ANKRD31: variants seen among roughly 807,000 people sequenced by gnomAD.
ANKRD31 encodes the protein ankyrin repeat domain-containing protein 31.
In ANKRD31, 147 loss-of-function variants were observed where a neutral mutation model predicts 186.0. That is an observed-to-expected ratio of 0.79 (90% confidence interval 0.69 to 0.91). The LOEUF (loss-of-function observed/expected upper bound fraction) is 0.91. ANKRD31 is among the 40% of genes least tolerant of loss of function. The pLI is 0.00. For synonymous variants in ANKRD31, 673 were observed against 736.4 expected, an observed-to-expected ratio of 0.91 and a Z score of 1.39; for missense variants, 1,986 against 2,148.8, an observed-to-expected ratio of 0.92 and a Z score of 1.50.
intron 17 of ANKRD31, among the ~76,000 whole-genome samples, chr5:75,135,639 C>G (rs555807499): frequency 2.6e-5 from 4 of 152,272 alleles, no homozygotes; most frequent in African/African-American, 9.6e-5. Flanking sequence ...CTACCAATGA[C>G]TTTCTTCACA....
intron 12 of ANKRD31, among the ~76,000 whole-genome samples, chr5:75,149,005 G>T (rs1751677785): frequency 6.6e-6 from 1 of 151,810 alleles, no homozygotes. Flanking sequence ...TAATTAATTA[G>T]ATTATCATCT....
intron 8 of ANKRD31, among the ~76,000 whole-genome samples, 200 bp downstream of exon 8, chr5:75,193,111 G>C (rs577659244): frequency 2.6e-5 from 4 of 152,206 alleles, no homozygotes; most frequent in Admixed American, 6.5e-5. Context: ...TAGAGAAAAA[G>C]ATGCAGGCTC....
rs1752015026 is a variant in ANKRD31, at chr5:75,154,228, G to A, written c.1825C>T (p.Pro609Ser). 6.6e-7 allele frequency: 1 copy of A among 1,526,696 alleles called. No homozygotes were observed. Among genetic ancestry groups the A allele is most frequent in the South Asian group, 1.2e-5 (1 of 81,890 alleles). The allele number at this position is 1,526,696 out of a possible 1,614,324, so 94.6% of individuals were successfully genotyped here. A position where few individuals can be genotyped will look rare whatever the true frequency, so the allele number is the denominator to read the frequency against. ...CMKRLLERYI[P>S]KHQKCLTSAQ... ...GATGTAAGGCATTTTTGATGTTTAG[G>A]GATATATCTCTCAAGGAGACGCTTC... Residue 609 changes from proline to serine, a missense_variant, in exon 12 of 26, where the codon CCT (proline) becomes TCT (serine). By Grantham distance (74) the Pro-to-Ser change is moderately conservative (BLOSUM62 -1). Coordinates refer to ENST00000506364, the MANE Select transcript of ANKRD31 (RefSeq NM_001372053.1).
intron 10 of ANKRD31, among the ~76,000 whole-genome samples, chr5:75,174,733 A>G (rs371547287): frequency 6.6e-6 from 1 of 152,200 alleles, no homozygotes; most frequent in Non-Finnish European, 1.5e-5. Context: ...GAAACAACAG[A>G]TGCTGGAGAG....
At chr5:75,133,151 C>T (rs1168008248) in intron 17 of ANKRD31, among the ~76,000 whole-genome samples, 4 of 152,182 alleles carry the variant, frequency 2.6e-5, no homozygotes, top group Non-Finnish European at 5.9e-5. Context: ...GGATCAAATT[C>T]ACACATAACT....
intron 25 of ANKRD31, among the ~76,000 whole-genome samples, chr5:75,072,017 T>C (rs976886427): frequency 5.3e-5 from 8 of 152,218 alleles, no homozygotes; most frequent in African/African-American, 1.9e-4. Flanking sequence ...CATTATCCTG[T>C]TGTGAATCCA....
chr5:75,193,199 T>A, intron 8 of ANKRD31, 112 bp downstream of exon 8: 1 of 1,224,426 alleles, frequency 8.2e-7, no homozygotes, highest in Admixed American at 2.9e-5. Context: ...ATATAAAAAA[T>A]AAAGCTCTTT....
intron 2 of ANKRD31, among the ~76,000 whole-genome samples, chr5:75,224,777 G>A (rs1757537419): frequency 6.6e-6 from 1 of 151,986 alleles, no homozygotes; most frequent in Non-Finnish European, 1.5e-5. Flanking sequence ...TAAAAGAGAA[G>A]ACCAACAGCT....
rs796933133 is a variant in ANKRD31, at chr5:75,085,450, C to A, written c.5473-1076G>T. Among the ~76,000 whole-genome samples, 228 of 152,160 alleles carry A rather than the reference C, an allele frequency of 1.5e-3. 1 individual carries two copies. The highest frequency in any genetic ancestry group is 5.4e-3 in the African/African-American group (223 of 41,514). ...ACACTGGCATGATCTTGGCTCACTG[C>A]AACCTCCACCTCCTGAGTTCAAGCA... On this transcript the variant is annotated intron_variant, in intron 23 of 25. Transcript: ENST00000506364.
intron 10 of ANKRD31, among the ~76,000 whole-genome samples, chr5:75,187,673 G>A (rs1237182155): frequency 6.6e-6 from 1 of 152,096 alleles, no homozygotes; most frequent in Non-Finnish European, 1.5e-5. Context: ...TATAACCTGG[G>A]TATGACATTT....
At chr5:75,102,518 C>G (rs1373159139) in intron 22 of ANKRD31, among the ~76,000 whole-genome samples, 1 of 152,234 alleles carries the variant, frequency 6.6e-6, no homozygotes, top group Non-Finnish European at 1.5e-5. Flanking sequence ...CAGCTATGCC[C>G]TGCCCCCAGA....
chr5:75,212,436 A>T (rs554901834), intron 3 of ANKRD31, among the ~76,000 whole-genome samples: 12 of 152,184 alleles, frequency 7.9e-5, no homozygotes, highest in Admixed American at 6.5e-4. Flanking sequence ...AACATGGCAA[A>T]ACCCAGTTTC....
At chr5:75,206,968 G>C in intron 4 of ANKRD31, among the ~76,000 whole-genome samples, 1 of 152,156 alleles carries the variant, frequency 6.6e-6, no homozygotes. Context: ...GAATACCGAA[G>C]GGAGGAAGTT....
At chr5:75,120,086 C>G (rs538974838) in intron 17 of ANKRD31, among the ~76,000 whole-genome samples, 1 of 145,874 alleles carries the variant, frequency 6.9e-6, no homozygotes, top group Admixed American at 7.1e-5. Context: ...TGTAAAGAAT[C>G]GTTACTAACT....
rs1341100904 is a variant in ANKRD31, at chr5:75,224,178, T to TATATACAC, written c.179-1821_179-1820insGTGTATAT. Among the ~76,000 whole-genome samples, 3 of 124,456 alleles carry TATATACAC rather than the reference T, an allele frequency of 2.4e-5. No homozygotes were observed. The South Asian group carries it at 7.8e-4, about 33-fold the overall frequency. 81.6% of individuals were successfully genotyped at this position (124,456 alleles called of 152,430 possible). ...ATATATATGTATATATATATATATA[T>TATATACAC]ACACACATTTCTTCCATTAGAATTC... On this transcript the variant is annotated intron_variant, in intron 2 of 25. Transcript: ENST00000506364.
chr5:75,108,207 T>C (rs1162160967), intron 20 of ANKRD31, among the ~76,000 whole-genome samples: 1 of 151,860 alleles, frequency 6.6e-6, no homozygotes, highest in Admixed American at 6.6e-5. Context: ...ACTTAAAAAA[T>C]AGAATTTTTT....
In ANKRD31 at chr5:75,077,931, C is replaced by CAAA. The variant is rs56910458; in HGVS notation, c.5647+2634_5647+2636dup. 4.2e-3 allele frequency among the ~76,000 whole-genome samples: 280 copies of CAAA among 66,658 alleles called. 9 individuals are homozygous for CAAA. Among genetic ancestry groups the CAAA allele is most frequent in the African/African-American group, 0.014 (249 of 17,532 alleles). The allele number at this position is 66,658 out of a possible 152,430, so 43.7% of individuals were successfully genotyped here. A position where few individuals can be genotyped will look rare whatever the true frequency, so the allele number is the denominator to read the frequency against. On this transcript the variant is annotated intron_variant, in intron 25 of 25. Transcript: ENST00000506364. ...TGGGCGAAAGAGCGAGACTCCGTCT[C>CAAA]AAAAAAAAAAAAAAAAAAAAAAAAA...
At chr5:75,213,171 G>A (rs750224880) in intron 3 of ANKRD31, among the ~76,000 whole-genome samples, 9 of 152,100 alleles carry the variant, frequency 5.9e-5, no homozygotes, top group Non-Finnish European at 1.3e-4. Context: ...GAAATGTCGA[G>A]AGACAAACCC....
chr5:75,114,456 CCATCT>C (rs958906239), intron 19 of ANKRD31, among the ~76,000 whole-genome samples: 43 of 152,264 alleles, frequency 2.8e-4, no homozygotes, highest in African/African-American at 9.4e-4. Context: ...ATTCTGTTCA[CCATCT>C]TATCTTTTAT....
Sources: gnomAD v4.1 joint callset for allele counts (sites outside exome capture counted in the v4.1 genomes callset) on GRCh38, gnomAD v4.1.1 for gene constraint, MANE v1.5 for transcripts, NCBI Gene and HGNC (gene_info 2026-07-23, HGNC 2026-07-21) for gene names.